Variants in MSRA observed in about 807,000 individuals in gnomAD.
The protein encoded by MSRA is mitochondrial peptide methionine sulfoxide reductase.
Under a neutral mutation model 31.3 loss-of-function variants are expected in MSRA, and 54 were observed. That is an observed-to-expected ratio of 1.73 (90% confidence interval 1.39 to 2.17). The LOEUF (loss-of-function observed/expected upper bound fraction) is 2.17. Among genes scored for constraint, MSRA ranks in the 30% most tolerant of loss-of-function variants. The pLI is 0.00. For synonymous variants in MSRA, 169 were observed against 116.5 expected (o/e 1.45, Z -2.90); for missense variants, 507 against 300.9 (o/e 1.69, Z -5.07).
At chr8:10,239,378 C>T (rs1448197129) in intron 2 of MSRA, among the ~76,000 whole-genome samples, 1 of 152,116 alleles carries the variant, frequency 6.6e-6, no homozygotes, top group African/African-American at 2.4e-5. Flanking sequence ...GCCAGGATGG[C>T]CTCGATGTCT....
chr8:10,242,558 TG>T (rs1797390766), intron 2 of MSRA, among the ~76,000 whole-genome samples: 1 of 152,174 alleles, frequency 6.6e-6, no homozygotes, highest in South Asian at 2.1e-4. Context: ...TTGTTTTGTG[TG>T]GTTTTTTTGC....
chr8:10,087,955 A>G (rs1798653621), intron 1 of MSRA, among the ~76,000 whole-genome samples: 1 of 152,204 alleles, frequency 6.6e-6, no homozygotes. Context: ...GGTTTTTGCC[A>G]TTACTTTTAA....
At chr8:10,427,979 C>G (rs746451987) in intron 5 of MSRA, among the ~76,000 whole-genome samples, 169 bp from the exon 6 acceptor site, 5 of 152,136 alleles carry the variant, frequency 3.3e-5, no homozygotes, top group Non-Finnish European at 7.3e-5. Flanking sequence ...AGGTAAGTCC[C>G]TGCCCAGCGT....
intron 2 of MSRA, among the ~76,000 whole-genome samples, chr8:10,223,136 C>T (rs1252507289): frequency 9.2e-5 from 14 of 152,310 alleles, no homozygotes; most frequent in African/African-American, 1.7e-4. Flanking sequence ...CACAGATACA[C>T]GTCCTTCCTA....
At position 10,143,582 on chromosome 8, in the gene MSRA, G is replaced by A. The variant is rs118114484; in HGVS notation, c.143-64251G>A. On this transcript the variant is annotated intron_variant, in intron 1 of 5. Coordinates refer to ENST00000317173, the MANE Select transcript of MSRA (RefSeq NM_012331.5). ...ACATTATTGCCAGACATAAAACCCCGGGTCGCTCCCTGTCATTTTCCCCGT... is the reference window on the plus strand; with the variant it reads ...ACATTATTGCCAGACATAAAACCCCAGGTCGCTCCCTGTCATTTTCCCCGT... 3.5e-3 allele frequency among the ~76,000 whole-genome samples: 538 copies of A among 152,168 alleles called. 3 individuals carry two copies. Among genetic ancestry groups the A allele is most frequent in the Non-Finnish European group, 4.6e-3 (312 of 68,004 alleles).
intron 5 of MSRA, among the ~76,000 whole-genome samples, chr8:10,387,713 C>A (rs1255080189): frequency 6.6e-6 from 1 of 152,184 alleles, no homozygotes; most frequent in African/African-American, 2.4e-5. Flanking sequence ...ACAGAAAAAG[C>A]CTGTCTGGGC....
chr8:10,341,424 C>T (rs1373148337), intron 5 of MSRA, among the ~76,000 whole-genome samples: 1 of 152,122 alleles, frequency 6.6e-6, no homozygotes, highest in African/African-American at 2.4e-5. Flanking sequence ...GACTTATCAC[C>T]AAAGAATGGT....
At chr8:10,209,794 C>A (rs1809316288) in intron 2 of MSRA, among the ~76,000 whole-genome samples, 1 of 152,144 alleles carries the variant, frequency 6.6e-6, no homozygotes, top group Non-Finnish European at 1.5e-5. Context: ...CCTGGGAGGC[C>A]CACTGTGCAT....
intron 1 of MSRA, among the ~76,000 whole-genome samples, chr8:10,127,540 C>G (rs943898827): frequency 2.0e-5 from 3 of 152,156 alleles, no homozygotes; most frequent in African/African-American, 7.2e-5. Flanking sequence ...TTAGCTTTGC[C>G]TCACTGGACT....
chr8:10,149,158 G>A (rs988310754), intron 1 of MSRA, among the ~76,000 whole-genome samples: 1 of 148,362 alleles, frequency 6.7e-6, no homozygotes, highest in East Asian at 2.0e-4. Flanking sequence ...TTTTGCTCTC[G>A]TCGCCTGGGC....
intron 5 of MSRA, among the ~76,000 whole-genome samples, chr8:10,335,638 C>G (rs1313627126): frequency 6.6e-6 from 1 of 152,116 alleles, no homozygotes; most frequent in Non-Finnish European, 1.5e-5. Flanking sequence ...CAGCTACCTG[C>G]CTCGGGCTCT....
At chr8:10,365,281 A>T (rs1805096901) in intron 5 of MSRA, among the ~76,000 whole-genome samples, 1 of 152,004 alleles carries the variant, frequency 6.6e-6, no homozygotes, top group Non-Finnish European at 1.5e-5. Flanking sequence ...CCCTCCGAGC[A>T]TCTGTGGTGG....
chr8:10,346,742 C>G (rs1047789670), intron 5 of MSRA, among the ~76,000 whole-genome samples: 1 of 152,218 alleles, frequency 6.6e-6, no homozygotes, highest in East Asian at 1.9e-4. Flanking sequence ...TTGGGTTAGT[C>G]CTAGAATTTC....
intron 1 of MSRA, among the ~76,000 whole-genome samples, chr8:10,157,882 C>T (rs181466250): frequency 1.8e-4 from 27 of 152,116 alleles, no homozygotes; most frequent in Admixed American, 6.5e-4. Context: ...ACTCACATAC[C>T]GTACAATTCA....
intron 2 of MSRA, among the ~76,000 whole-genome samples, chr8:10,226,705 ATGTTTGTT>A (rs113012077): frequency 3.5e-4 from 53 of 152,058 alleles, no homozygotes; most frequent in South Asian, 1.3e-3. Context: ...GTATATATAT[ATGTTTGTT>A]TGTTTGTTTG....
At chr8:10,277,870 A>G (rs971406572) in intron 3 of MSRA, among the ~76,000 whole-genome samples, 1 of 152,184 alleles carries the variant, frequency 6.6e-6, no homozygotes, top group Non-Finnish European at 1.5e-5. Context: ...TATATCATAA[A>G]TATATACAAT....
intron 1 of MSRA, among the ~76,000 whole-genome samples, chr8:10,184,448 C>T (rs1806841753): frequency 6.6e-6 from 1 of 151,822 alleles, no homozygotes; most frequent in Non-Finnish European, 1.5e-5. Flanking sequence ...AAAGGTTTGG[C>T]TGGTGTTATT....
At chr8:10,293,703 T>A (rs1386682266) in intron 3 of MSRA, among the ~76,000 whole-genome samples, 2 of 152,154 alleles carry the variant, frequency 1.3e-5, no homozygotes, top group Non-Finnish European at 2.9e-5. Context: ...CTTTCCTGTT[T>A]CCTTCCTCCC....
At chr8:10,138,830 G>A (rs1055198211) in intron 1 of MSRA, among the ~76,000 whole-genome samples, 1 of 152,162 alleles carries the variant, frequency 6.6e-6, no homozygotes, top group South Asian at 2.1e-4. Flanking sequence ...AAAATTCCGT[G>A]AGAGTGATTT....
Sources: gnomAD v4.1 joint callset for allele counts (sites outside exome capture counted in the v4.1 genomes callset) on GRCh38, gnomAD v4.1.1 for gene constraint, MANE v1.5 for transcripts, NCBI Gene and HGNC (gene_info 2026-07-23, HGNC 2026-07-21) for gene names.